TSPAN3: variants seen among roughly 807,000 people sequenced by gnomAD.
TSPAN3 encodes the protein tetraspanin 3, also known as tetraspanin-3.
Under a neutral mutation model 31.1 loss-of-function variants are expected in TSPAN3, and 9 were observed. The ratio of observed to expected loss-of-function variants is 0.29; its 90% CI spans 0.17 to 0.50. The LOEUF (loss-of-function observed/expected upper bound fraction) is 0.50. TSPAN3 is among the 20% of genes least tolerant of loss of function. The pLI is 0.98. For synonymous variants in TSPAN3, 129 were observed against 114.3 expected (o/e 1.13, Z -0.82); for missense variants, 252 against 313.5 (o/e 0.80, Z 1.48).
chr15:77,058,336 T>G (rs967906044), intron 1 of TSPAN3, among the ~76,000 whole-genome samples: 1 of 152,216 alleles, frequency 6.6e-6, no homozygotes, highest in Non-Finnish European at 1.5e-5. Context: ...ATGAACAATA[T>G]AGAACTGTTA....
At chr15:77,052,618 TAATTAAA>T in intron 5 of TSPAN3, 150 bp from the exon 6 acceptor site, 1 of 1,097,472 alleles carries the variant, frequency 9.1e-7, no homozygotes, top group Non-Finnish European at 1.3e-6. Flanking sequence ...TACAGACATG[TAATTAAA>T]ACAAAGACAT....
chr15:77,053,853 C>G (rs1229797353), intron 4 of TSPAN3, among the ~76,000 whole-genome samples: 1 of 152,168 alleles, frequency 6.6e-6, no homozygotes, highest in East Asian at 1.9e-4. Context: ...CCCACCTCCC[C>G]TGGAGTCAAT....
At position 77,045,873 on chromosome 15, in the gene TSPAN3, C is replaced by G. The variant is rs938447233; in HGVS notation, c.*962G>C. ...CTAGGATATACTGGACTGAAAGCAT[C>G]TGTGGTTTTTTGAATATCAAGCCCT... is the stretch of plus-strand genomic sequence containing the variant. On this transcript the variant is annotated 3_prime_UTR_variant, in exon 7 of 7. Transcript: ENST00000267970. 3 of 152,230 alleles carry G rather than the reference C, an allele frequency of 2.0e-5. No individual in the cohort carries two copies. Among genetic ancestry groups the G allele is most frequent in the African/African-American group, 4.8e-5 (2 of 41,452 alleles). 9.4% of individuals were successfully genotyped at this position (152,230 alleles called of 1,614,324 possible). A position where few individuals can be genotyped will look rare whatever the true frequency, so the allele number is the denominator to read the frequency against.
At chr15:77,065,775 T>C (rs2076829080) in intron 1 of TSPAN3, among the ~76,000 whole-genome samples, 1 of 152,250 alleles carries the variant, frequency 6.6e-6, no homozygotes, top group Admixed American at 6.5e-5. Flanking sequence ...ACAATTTATA[T>C]GTGTGAAGTA....
At chr15:77,059,491 C>A (rs956177406) in intron 1 of TSPAN3, among the ~76,000 whole-genome samples, 1 of 152,212 alleles carries the variant, frequency 6.6e-6, no homozygotes, top group African/African-American at 2.4e-5. Flanking sequence ...TATATATTCA[C>A]ACACATGTAC....
At chr15:77,063,547 TCAACATCA>T (rs1412815637) in intron 1 of TSPAN3, 1 of 152,202 alleles carries the variant, frequency 6.6e-6, no homozygotes, top group African/African-American at 2.4e-5. Context: ...ACTTTTGCCA[TCAACATCA>T]CTATTATTAT....
At chr15:77,062,670 C>T (rs1040373162) in intron 1 of TSPAN3, among the ~76,000 whole-genome samples, 8 of 152,156 alleles carry the variant, frequency 5.3e-5, no homozygotes, top group Non-Finnish European at 1.2e-4. Context: ...AGCATTGATG[C>T]CTTTATACCT....
At chr15:77,058,675 G>T (rs984996681) in intron 1 of TSPAN3, among the ~76,000 whole-genome samples, 5 of 152,140 alleles carry the variant, frequency 3.3e-5, no homozygotes, top group African/African-American at 1.2e-4. Context: ...CAGACAGCAG[G>T]TATCAGTTAA....
intron 4 of TSPAN3, among the ~76,000 whole-genome samples, chr15:77,053,788 G>T (rs1296059039): frequency 1.3e-5 from 2 of 151,548 alleles, no homozygotes; most frequent in Non-Finnish European, 2.9e-5. Flanking sequence ...ACTTTTTTTT[G>T]ACAGTTTTTC....
Position 77,052,821 on chromosome 15 carries a change from T to C in TSPAN3, c.541A>G (p.Asn181Asp). 1 of 1,614,198 alleles carries C rather than the reference T, an allele frequency of 6.2e-7. No homozygotes were observed. The highest frequency in any genetic ancestry group is 2.2e-5 in the East Asian group (1 of 44,888). The change falls in exon 5 of 7, where the codon AAT becomes GAT. Residue 181 changes from asparagine (N) to aspartate (D), a missense_variant. Physicochemically the swap from Asn to Asp is conservative, Grantham distance 23 (BLOSUM62 1). Coordinates refer to ENST00000267970, the MANE Select transcript of TSPAN3 (RefSeq NM_005724.6). ...GGGTGGGCCAGGCTGCCATTACAAT[T>C]GCTGGCAGTCTCTCTGCAGCAGCTA... The part of the protein sequence containing the change: ...PLSCCRETAS[N>D]CNGSLAHPSD...
Position 77,044,577 on chromosome 15 carries a change from G to T in TSPAN3, c.*2258C>A, listed in dbSNP as rs568216523. On this transcript the variant is annotated 3_prime_UTR_variant, in exon 7 of 7. Coordinates refer to ENST00000267970, the MANE Select transcript of TSPAN3 (RefSeq NM_005724.6). ...CTCACTGGTAATATGGCCAGTCTGG[G>T]TCCAGCTGGCAGAGCACACGGGAGG... 6.6e-6 allele frequency: 1 copy of T among 152,394 alleles called. No homozygotes were observed. Among genetic ancestry groups the T allele is most frequent in the Non-Finnish European group, 1.5e-5 (1 of 68,106 alleles). 9.4% of individuals were successfully genotyped at this position (152,394 alleles called of 1,614,324 possible).
rs2076668278 is a variant in TSPAN3, at chr15:77,042,985, C to T, written c.*3850G>A. The T allele has an allele frequency of 6.6e-6, 1 of 152,368 alleles. No homozygotes were observed. The highest frequency in any genetic ancestry group is 1.5e-5 in the Non-Finnish European group (1 of 68,080). 9.4% of individuals were successfully genotyped at this position (152,368 alleles called of 1,614,324 possible). A position where few individuals can be genotyped will look rare whatever the true frequency, so the allele number is the denominator to read the frequency against. On this transcript the variant is annotated 3_prime_UTR_variant, in exon 7 of 7. Coordinates refer to ENST00000267970, the MANE Select transcript of TSPAN3 (RefSeq NM_005724.6). ...AGGGGGCTCTGAAAACTCCTTTACC[C>T]TTTGCCAGCCTGACCCACAGTGGGC...
intron 6 of TSPAN3, among the ~76,000 whole-genome samples, chr15:77,047,553 T>C (rs2076702364): frequency 6.6e-6 from 1 of 152,240 alleles, no homozygotes; most frequent in African/African-American, 2.4e-5. Context: ...ATTCACTATT[T>C]TTGAAATCCA....
At chr15:77,050,184 C>A (rs1295730925) in intron 6 of TSPAN3, among the ~76,000 whole-genome samples, 1 of 152,230 alleles carries the variant, frequency 6.6e-6, no homozygotes, top group Non-Finnish European at 1.5e-5. Context: ...ACCAATCTAT[C>A]AGATTTTGAA....
At position 77,050,105 on chromosome 15, in the gene TSPAN3, G is replaced by A. The variant is rs527994968; in HGVS notation, c.669+2280C>T. On this transcript the variant is annotated intron_variant, in intron 6 of 6. Coordinates refer to ENST00000267970, the MANE Select transcript of TSPAN3 (RefSeq NM_005724.6). ...TCTAAATGTCTATATTAGGATCAGT[G>A]TATAAGCACAAAAGCTCACTGATCT... Among the ~76,000 whole-genome samples the A allele has an allele frequency of 2.6e-5, 4 of 152,308 alleles. No individual in the cohort carries two copies. The East Asian group carries it at 7.7e-4, about 29-fold the overall frequency.
intron 6 of TSPAN3, among the ~76,000 whole-genome samples, chr15:77,052,040 T>C (rs1445894069): frequency 1.3e-5 from 2 of 152,224 alleles, no homozygotes; most frequent in African/African-American, 2.4e-5. Context: ...GTACAATTTT[T>C]AAAAATTTTG....
At chr15:77,048,741 T>G (rs986760144) in intron 6 of TSPAN3, among the ~76,000 whole-genome samples, 2 of 152,156 alleles carry the variant, frequency 1.3e-5, no homozygotes, top group African/African-American at 4.8e-5. Context: ...CTTGCAATAT[T>G]CAAGGCATGA....
At position 77,045,425 on chromosome 15, in the gene TSPAN3, C is replaced by T. The variant is rs1403602857; in HGVS notation, c.*1410G>A. On this transcript the variant is annotated 3_prime_UTR_variant, in exon 7 of 7. Coordinates refer to ENST00000267970, the MANE Select transcript of TSPAN3 (RefSeq NM_005724.6). Reference sequence around the variant, plus strand: ...CAGCACGGCCGGCTTGCATCACCACCTTCTTCTCAGTTCACCTTCCAAATC... The same window carrying T: ...CAGCACGGCCGGCTTGCATCACCACTTTCTTCTCAGTTCACCTTCCAAATC... 2 of 152,370 alleles carry T rather than the reference C, an allele frequency of 1.3e-5. No homozygotes were observed. Among genetic ancestry groups the T allele is most frequent in the Admixed American group, 6.5e-5 (1 of 15,284 alleles). 9.4% of individuals were successfully genotyped at this position (152,370 alleles called of 1,614,324 possible).
intron 6 of TSPAN3, 62 bp downstream of exon 6, chr15:77,052,323 T>C (rs2076737108): frequency 1.2e-5 from 17 of 1,450,754 alleles, no homozygotes; most frequent in Non-Finnish European, 1.2e-5. Context: ...ATTAAAACCA[T>C]TCAGGGCTGA....
Sources: allele counts gnomAD v4.1 joint callset (sites outside exome capture counted in the v4.1 genomes callset), GRCh38; gene constraint gnomAD v4.1.1; transcripts MANE v1.5; gene names NCBI Gene and HGNC (gene_info 2026-07-23, HGNC 2026-07-21).